The following DCP2 variants were observed in gnomAD, a reference collection of about 807,000 sequenced individuals.
DCP2 encodes the protein m7GpppN-mRNA hydrolase.
In DCP2, 30 loss-of-function variants were observed where a neutral mutation model predicts 56.1. The ratio of observed to expected loss-of-function variants is 0.53; its 90% confidence interval spans 0.40 to 0.73. The LOEUF (loss-of-function observed/expected upper bound fraction) is 0.73, where lower values mean the gene tolerates loss of function less well. DCP2 is among the 30% of genes least tolerant of loss of function. The pLI is 0.00. For missense variants in DCP2, 533 were observed against 502.7 expected, an observed-to-expected ratio of 1.06 and a Z score of -0.58; for synonymous variants, 197 against 163.3, an observed-to-expected ratio of 1.21 and a Z score of -1.57.
Position 113,004,027 on chromosome 5 carries a change from C to G in DCP2, c.892C>G (p.Gln298Glu). ...GGTAAAGCACAGGCAACCACTGCAGCAAAAGCCATATAATAATCATTCTGA... is the reference window on the plus strand; with the variant it reads ...GGTAAAGCACAGGCAACCACTGCAGGAAAAGCCATATAATAATCATTCTGA... The part of the protein sequence containing the change: ...QWVKHRQPLQ[Q>E]KPYNNHSEMS... Residue 298 changes from glutamine (Q) to glutamate (E), a missense_variant, in exon 8 of 11, where the codon CAA becomes GAA. Gln to Glu is a conservative substitution (Grantham distance 29). Transcript: ENST00000389063. 1 of 1,614,014 alleles carries G rather than the reference C, an allele frequency of 6.2e-7. No homozygotes were observed. Among genetic ancestry groups the G allele is most frequent in the Non-Finnish European group, 8.5e-7 (1 of 1,179,974 alleles).
At chr5:112,985,075 A>C (rs1365798145) in intron 1 of DCP2, among the ~76,000 whole-genome samples, 2 of 152,124 alleles carry the variant, frequency 1.3e-5, no homozygotes, top group Non-Finnish European at 2.9e-5. Flanking sequence ...TACTGGGAAA[A>C]AGGATTACCA....
In DCP2 at chr5:113,008,056, C is replaced by G. The variant is rs766090399; in HGVS notation, c.1047+14C>G. On this transcript the variant is annotated intron_variant, in intron 9 of 10. Transcript: ENST00000389063. Reference sequence around the variant, plus strand: ...AATTCTTTGATGGTAAGAGTTATAGCTGTCACACTAAGTAGGCAGTTCATC... The same window carrying G: ...AATTCTTTGATGGTAAGAGTTATAGGTGTCACACTAAGTAGGCAGTTCATC... The G allele has an allele frequency of 8.1e-6, 13 of 1,602,650 alleles. No homozygotes were observed. In the South Asian group the frequency reaches 1.4e-4, roughly 18 times the overall value.
Position 113,013,574 on chromosome 5 carries a change from T to G in DCP2, c.*90T>G, listed in dbSNP as rs1307755880. The G allele has an allele frequency of 6.9e-7, 1 of 1,457,336 alleles. No individual in the cohort carries two copies. The highest frequency in any genetic ancestry group is 9.3e-7 in the Non-Finnish European group (1 of 1,074,728). The allele number at this position is 1,457,336 out of a possible 1,614,324, so 90.3% of individuals were successfully genotyped here. A position where few individuals can be genotyped will look rare whatever the true frequency, so the allele number is the denominator to read the frequency against. ...TCAAGCCTTACCTTTCTCAGGTGTTTTAAAGAAATGCAGGGAGGCAATGTT... is the reference window on the plus strand; with the variant it reads ...TCAAGCCTTACCTTTCTCAGGTGTTGTAAAGAAATGCAGGGAGGCAATGTT... On this transcript the variant is annotated 3_prime_UTR_variant, in exon 11 of 11. Transcript: ENST00000389063.
At chr5:112,984,640 T>C (rs1748160879) in intron 1 of DCP2, 1 of 147,340 alleles carries the variant, frequency 6.8e-6, no homozygotes, top group African/African-American at 2.5e-5. Flanking sequence ...CTGATTAAAA[T>C]GCCTTTTGCT....
chr5:112,985,939 A>C lies in DCP2; in HGVS notation c.158A>C (p.Asn53Thr), dbSNP rs752572068. 2 of 1,603,828 alleles carry C rather than the reference A, an allele frequency of 1.2e-6. No individual in the cohort carries two copies. The highest frequency in any genetic ancestry group is 1.7e-6 in the Non-Finnish European group (2 of 1,172,102). ...TTTTACTTGGATTTCTACATGCAGA[A>C]CACACCAGGATTACCTCAGTGTGGG... Reference protein sequence around the residue: ...HWFYLDFYMQNTPGLPQCGIR... With the variant: ...HWFYLDFYMQTTPGLPQCGIR... Residue 53 changes from asparagine to threonine, a missense_variant, in exon 2 of 11, where the codon AAC becomes ACC. Transcript: ENST00000389063.
intron 4 of DCP2, among the ~76,000 whole-genome samples, chr5:112,994,052 C>T (rs1289725477): frequency 1.3e-5 from 2 of 151,866 alleles, no homozygotes; most frequent in Non-Finnish European, 2.9e-5. Flanking sequence ...CCTCCTCGGC[C>T]TCCCAAAGTG....
At chr5:113,004,100 C>G in intron 8 of DCP2, 23 bp downstream of exon 8, 2 of 1,598,270 alleles carry the variant, frequency 1.3e-6, no homozygotes, top group Non-Finnish European at 1.7e-6. Context: ...CAATTACAGT[C>G]TTTTCAGAAA....
At position 112,992,255 on chromosome 5, in the gene DCP2, G is replaced by C. The variant is rs767605304; in HGVS notation, c.333+7G>C. Reference sequence around the variant, plus strand: ...TGATGAGACACTTGAAAATGTGAGTGTAATGAAATAAAGATTTTTAGTGAA... The same window carrying C: ...TGATGAGACACTTGAAAATGTGAGTCTAATGAAATAAAGATTTTTAGTGAA... On this transcript the variant is annotated splice_region_variant and intron_variant, in intron 3 of 10. Transcript: ENST00000389063. 1 of 1,605,026 alleles carries C rather than the reference G, an allele frequency of 6.2e-7. No individual in the cohort carries two copies. Among genetic ancestry groups the C allele is most frequent in the Non-Finnish European group, 8.5e-7 (1 of 1,177,114 alleles).
intron 1 of DCP2, among the ~76,000 whole-genome samples, chr5:112,983,543 G>A (rs1011237634): frequency 6.6e-6 from 1 of 152,184 alleles, no homozygotes; most frequent in Non-Finnish European, 1.5e-5. Flanking sequence ...AAGACTCACA[G>A]TAGGATTGAC....
intron 8 of DCP2, among the ~76,000 whole-genome samples, chr5:113,005,187 ATTAAAC>A (rs1749368374): frequency 7.4e-6 from 1 of 135,254 alleles, no homozygotes; most frequent in African/African-American, 3.0e-5. Context: ...GCTTGTCAAA[ATTAAAC>A]TTTTGTGCTT....
Position 112,976,802 on chromosome 5 carries a change from T to C in DCP2, c.-132T>C, listed in dbSNP as rs546187457. ...CGGGTCCCGCCCCTTCCCCTTCTCGTCTCCGTTGGAGTCGTCTCTGCCGCG... is the reference window on the plus strand; with the variant it reads ...CGGGTCCCGCCCCTTCCCCTTCTCGCCTCCGTTGGAGTCGTCTCTGCCGCG... On this transcript the variant is annotated 5_prime_UTR_variant, in exon 1 of 11. Coordinates refer to ENST00000389063, the MANE Select transcript of DCP2 (RefSeq NM_152624.6). 71 of 912,110 alleles carry C rather than the reference T, an allele frequency of 7.8e-5. No homozygotes were observed. The African/African-American group carries it at 1.1e-3, about 14-fold the overall frequency. 56.5% of individuals were successfully genotyped at this position (912,110 alleles called of 1,614,324 possible).
rs537705176 is a variant in DCP2 at position 113,019,922 on chromosome 5, C to G, written c.*6438C>G. 3 of 152,132 alleles carry G rather than the reference C, an allele frequency of 2.0e-5. No homozygotes were observed. Among genetic ancestry groups the G allele is most frequent in the Non-Finnish European group, 4.4e-5 (3 of 68,006 alleles). 9.4% of individuals were successfully genotyped at this position (152,132 alleles called of 1,614,324 possible). On this transcript the variant is annotated 3_prime_UTR_variant, in exon 11 of 11. Transcript: ENST00000389063. The stretch of plus-strand genomic sequence containing the variant: ...TTAATAAGATTGCCTTTTGTCTAAC[C>G]GAAATAGGGCATACAGATTAGTTTG...
Position 113,014,477 on chromosome 5 carries a change from G to C in DCP2, c.*993G>C, listed in dbSNP as rs966225697. On this transcript the variant is annotated 3_prime_UTR_variant, in exon 11 of 11. Coordinates refer to ENST00000389063, the MANE Select transcript of DCP2 (RefSeq NM_152624.6). ...CTGCTAAGCCCCTGGATGATGGAGCGAGAAGGGAAGGGGTATGCAGTTTAC... is the reference window on the plus strand; with the variant it reads ...CTGCTAAGCCCCTGGATGATGGAGCCAGAAGGGAAGGGGTATGCAGTTTAC... The C allele has an allele frequency of 2.6e-5, 4 of 152,554 alleles. No homozygotes were observed. Among genetic ancestry groups the C allele is most frequent in the East Asian group, 3.8e-4 (2 of 5,198 alleles). The allele number at this position is 152,554 out of a possible 1,614,324, so 9.5% of individuals were successfully genotyped here.
chr5:112,996,827 C>T (rs1315651585), intron 4 of DCP2, among the ~76,000 whole-genome samples: 2 of 152,148 alleles, frequency 1.3e-5, no homozygotes, highest in Admixed American at 6.5e-5. Flanking sequence ...AGATTTAGGA[C>T]TGTCAAAAGA....
At position 112,992,753 on chromosome 5, in the gene DCP2, G is replaced by A. The variant is rs940458344; in HGVS notation, c.415G>A (p.Asp139Asn). ...AGTAAATAAAGAAGAAGCTCCTCAT[G>A]ATTGTGCTGCTAGAGAGGTAAGTTA... ...GKVNKEEAPH[D>N]CAAREVFEET... Residue 139 changes from aspartate to asparagine, a missense_variant, in exon 4 of 11, where the codon GAT becomes AAT. By Grantham distance (23) the Asp-to-Asn change is conservative. This residue lies in a region of DCP2 where 392 missense variants were observed against 346.6 expected (regional missense o/e 1.13). Coordinates refer to ENST00000389063, the MANE Select transcript of DCP2 (RefSeq NM_152624.6). 1 of 1,583,584 alleles carries A rather than the reference G, an allele frequency of 6.3e-7. No homozygotes were observed. The highest frequency in any genetic ancestry group is 8.5e-7 in the Non-Finnish European group (1 of 1,172,220).
chr5:113,003,195 C>T (rs1476072964), intron 7 of DCP2, among the ~76,000 whole-genome samples: 8 of 152,308 alleles, frequency 5.3e-5, no homozygotes, highest in African/African-American at 1.4e-4. Flanking sequence ...GATCTACCCT[C>T]CTTGGCCTCC....
chr5:113,014,986 G>A lies in DCP2; in HGVS notation c.*1502G>A, dbSNP rs58207061. ...TTTTAAATGGCTTGATTTTAAAGGA[G>A]AAATTCTATTTATTAATGAAAGTGT... On this transcript the variant is annotated 3_prime_UTR_variant, in exon 11 of 11. Coordinates refer to ENST00000389063, the MANE Select transcript of DCP2 (RefSeq NM_152624.6). 2 of 152,590 alleles carry A rather than the reference G, an allele frequency of 1.3e-5. No individual in the cohort carries two copies. Among genetic ancestry groups the A allele is most frequent in the Non-Finnish European group, 2.9e-5 (2 of 68,030 alleles). 9.5% of individuals were successfully genotyped at this position (152,590 alleles called of 1,614,324 possible).
intron 3 of DCP2, 36 bp from the exon 4 acceptor site, chr5:112,992,636 G>T: frequency 2.1e-6 from 3 of 1,441,824 alleles, no homozygotes; most frequent in Non-Finnish European, 2.9e-6. Flanking sequence ...TGGAAAAGGA[G>T]GGCAAGTTTG....
chr5:113,009,014 T>C (rs1749565634), intron 9 of DCP2, among the ~76,000 whole-genome samples: 1 of 152,140 alleles, frequency 6.6e-6, no homozygotes, highest in East Asian at 1.9e-4. Context: ...TGGCTAATTT[T>C]TTTTTGTATT....
Sources: allele counts gnomAD v4.1 joint callset (sites outside exome capture counted in the v4.1 genomes callset), GRCh38; gene constraint gnomAD v4.1.1; regional missense constraint gnomAD v4.1.1; transcripts MANE v1.5; gene names NCBI Gene and HGNC (gene_info 2026-07-23, HGNC 2026-07-21).